The following SYTL5 variants were observed in gnomAD, a reference collection of about 807,000 sequenced individuals.
The protein encoded by SYTL5 is synaptotagmin like 5.
In SYTL5, 34 loss-of-function variants were observed where a neutral mutation model predicts 55.9. The observed-to-expected ratio is 0.61, with a 90% CI of 0.46 to 0.81. The LOEUF (loss-of-function observed/expected upper bound fraction) is 0.81, where lower values mean the gene tolerates loss of function less well. Among genes scored for constraint, SYTL5 ranks in the 30% least tolerant of loss-of-function variants. The pLI, the probability that SYTL5 is intolerant of heterozygous loss-of-function variation, is 0.00. For missense variants in SYTL5, 637 were observed against 546.7 expected, an observed-to-expected ratio of 1.17 and a Z score of -1.65; for synonymous variants, 221 against 188.7, an observed-to-expected ratio of 1.17 and a Z score of -1.40.
intron 1 of SYTL5, among the ~76,000 whole-genome samples, chrX:38,021,977 T>C (rs2147142632): frequency 8.9e-6 from 1 of 112,595 alleles, no homozygotes; most frequent in African/African-American, 3.2e-5. Context: ...AGGTTGTTTG[T>C]TACTTTTATT....
chrX:37,890,838 C>T, the SYTL5 span, among the ~76,000 whole-genome samples: 4 of 111,547 alleles, frequency 3.6e-5, no homozygotes, highest in Non-Finnish European at 7.5e-5. Context: ...ATCAACGTAA[C>T]AGCTGAGAGA....
At chrX:38,097,815 A>G (rs1382613158) in intron 9 of SYTL5, among the ~76,000 whole-genome samples, 1 of 109,251 alleles carries the variant, frequency 9.2e-6, no homozygotes, top group Non-Finnish European at 1.9e-5. Flanking sequence ...CTACAGTTAT[A>G]GCTATCAGTA....
chrX:37,999,970 G>A, the SYTL5 span, among the ~76,000 whole-genome samples: 3 of 111,774 alleles, frequency 2.7e-5, no homozygotes, highest in African/African-American at 6.5e-5. Flanking sequence ...TTCTGGGAAA[G>A]TGAAGCTCAT....
intron 1 of SYTL5, among the ~76,000 whole-genome samples, chrX:38,018,637 T>A (rs1281277108): frequency 9.0e-6 from 1 of 111,393 alleles, no homozygotes; most frequent in Non-Finnish European, 1.9e-5. Context: ...TTTCTAGGCT[T>A]TACCCCCGTG....
the SYTL5 span, among the ~76,000 whole-genome samples, chrX:37,893,536 T>C: frequency 1.1e-5 from 1 of 88,644 alleles, no homozygotes; most frequent in South Asian, 4.9e-4. Flanking sequence ...TATCTATAGA[T>C]AATATATAAT....
chrX:38,083,774 ATGTGTGTGTGTGTGTG>A (rs3068306), intron 6 of SYTL5, among the ~76,000 whole-genome samples: 1 of 94,326 alleles, frequency 1.1e-5, no homozygotes, highest in Non-Finnish European at 2.1e-5. Flanking sequence ...AAATAGACTC[ATGTGTGTGTGTGTGTG>A]TGTGTGTGTG....
At chrX:38,091,075 G>A (rs1250137775) in intron 7 of SYTL5, among the ~76,000 whole-genome samples, 1 of 112,088 alleles carries the variant, frequency 8.9e-6, no homozygotes, top group Non-Finnish European at 1.9e-5. Flanking sequence ...TAGAGCAGAA[G>A]AGTAACACAA....
At chrX:38,059,117 C>T (rs1313821051) in intron 3 of SYTL5, among the ~76,000 whole-genome samples, 2 of 111,786 alleles carry the variant, frequency 1.8e-5, no homozygotes, top group East Asian at 5.5e-4. Flanking sequence ...CTGTGTTTTT[C>T]AGGTTTAGAA....
intron 7 of SYTL5, among the ~76,000 whole-genome samples, chrX:38,093,093 T>C (rs1230058527): frequency 1.8e-5 from 2 of 112,121 alleles, no homozygotes; most frequent in African/African-American, 6.5e-5. Flanking sequence ...TTGACCTCTG[T>C]CACACTCCTG....
chrX:37,951,370 G>A, the SYTL5 span, among the ~76,000 whole-genome samples: 3,970 of 110,696 alleles, frequency 0.036, 79 homozygotes, highest in African/African-American at 0.076. Context: ...TTTAATAAAC[G>A]GTATAAATAT....
the SYTL5 span, among the ~76,000 whole-genome samples, chrX:37,903,265 G>T: frequency 3.7e-5 from 4 of 107,815 alleles, no homozygotes; most frequent in African/African-American, 1.4e-4. Context: ...GTTTATTGCG[G>T]CACTATTCAC....
Position 38,096,123 on chromosome X carries a change from C to T in SYTL5, c.962-11C>T, listed in dbSNP as rs772676024. The T allele has an allele frequency of 9.3e-7, 1 of 1,076,460 alleles. No individual in the cohort carries two copies. 88.7% of individuals were successfully genotyped at this position (1,076,460 alleles called of 1,213,427 possible). A position where few individuals can be genotyped will look rare whatever the true frequency, so the allele number is the denominator to read the frequency against. On this transcript the variant is annotated splice_polypyrimidine_tract_variant and intron_variant, in intron 8 of 16. Transcript: ENST00000297875. The stretch of plus-strand genomic sequence containing the variant: ...TGACTCACGTCTTTCTTTTTCCTTT[C>T]CACCTTCCAGATCAGAGTCGATCTG...
chrX:37,921,267 C>T, the SYTL5 span, among the ~76,000 whole-genome samples: 1 of 111,720 alleles, frequency 9.0e-6, no homozygotes, highest in Non-Finnish European at 1.9e-5. Flanking sequence ...GCTCCCAGGT[C>T]TGTGCTGTTA....
chrX:38,043,583 T>A (rs183869124), intron 2 of SYTL5, among the ~76,000 whole-genome samples: 20 of 100,890 alleles, frequency 2.0e-4, no homozygotes, highest in Non-Finnish European at 3.8e-4. Context: ...AAGTCTCACA[T>A]AGAATTCCAC....
chrX:37,996,866 T>C, the SYTL5 span, among the ~76,000 whole-genome samples: 1 of 112,305 alleles, frequency 8.9e-6, no homozygotes, highest in Non-Finnish European at 1.9e-5. Context: ...GAGGTACTTC[T>C]ATCAACATCT....
intron 11 of SYTL5, among the ~76,000 whole-genome samples, chrX:38,108,355 G>A (rs1241064366): frequency 9.0e-6 from 1 of 111,355 alleles, no homozygotes; most frequent in Non-Finnish European, 1.9e-5. Flanking sequence ...GAGGCATGGA[G>A]TGATTCAAAA....
chrX:37,933,251 A>G, the SYTL5 span, among the ~76,000 whole-genome samples: 1 of 111,833 alleles, frequency 8.9e-6, no homozygotes, highest in Non-Finnish European at 1.9e-5. Flanking sequence ...AATTAACCAA[A>G]GGGTTGCGCT....
chrX:37,961,077 C>T, the SYTL5 span, among the ~76,000 whole-genome samples: 1 of 110,772 alleles, frequency 9.0e-6, no homozygotes. Context: ...AGCCACCGCG[C>T]CCGGCCTCCT....
intron 10 of SYTL5, 124 bp downstream of exon 10, chrX:38,102,558 G>T: frequency 2.0e-6 from 1 of 501,554 alleles, no homozygotes; most frequent in South Asian, 3.3e-5. Context: ...GTCATTGTAA[G>T]ATCCTGCTTG....
Sources: gnomAD v4.1 joint callset for allele counts (sites outside exome capture counted in the v4.1 genomes callset) on GRCh38, gnomAD v4.1.1 for gene constraint, MANE v1.5 for transcripts, NCBI Gene and HGNC (gene_info 2026-07-23, HGNC 2026-07-21) for gene names.